GRM5: variants seen among roughly 807,000 people sequenced by gnomAD.
The protein encoded by GRM5 is metabotropic glutamate receptor 5.
In GRM5, 19 loss-of-function variants were observed where a neutral mutation model predicts 83.1. The observed-to-expected ratio is 0.23, with a 90% confidence interval of 0.16 to 0.34. GRM5 has a LOEUF of 0.34. Among genes scored for constraint, GRM5 ranks in the 10% least tolerant of loss-of-function variants. The pLI is 1.00. For synonymous variants in GRM5, 675 were observed against 633.6 expected (o/e 1.07, Z -0.98); for missense variants, 1,160 against 1,588.3 (o/e 0.73, Z 4.58).
intron 2 of GRM5, among the ~76,000 whole-genome samples, chr11:88,941,712 T>A (rs1234264220): frequency 2.0e-5 from 3 of 152,038 alleles, no homozygotes; most frequent in Non-Finnish European, 4.4e-5. Context: ...AAATTTTAAT[T>A]TTACAAAGTT....
chr11:89,058,911 ATTTTATTTAT>A (rs548618423), intron 1 of GRM5, among the ~76,000 whole-genome samples: 3 of 150,846 alleles, frequency 2.0e-5, no homozygotes, highest in Non-Finnish European at 4.4e-5. Flanking sequence ...TTGATTTTTC[ATTTTATTTAT>A]TTTTAAACAA....
At position 88,807,085 on chromosome 11, in the gene GRM5, T is replaced by A. The variant is rs376303609; in HGVS notation, c.911+42821A>T. ...TACAAATTATCTGTTGACATGGATTTCTCACTGGACTCTACATCTCTTAAT... is the reference window on the plus strand; with the variant it reads ...TACAAATTATCTGTTGACATGGATTACTCACTGGACTCTACATCTCTTAAT... On this transcript the variant is annotated intron_variant, in intron 3 of 9. Coordinates refer to ENST00000305447, the MANE Select transcript of GRM5 (RefSeq NM_001143831.3). 3.3e-5 allele frequency among the ~76,000 whole-genome samples: 5 copies of A among 152,324 alleles called. No homozygotes were observed. In the East Asian group the frequency reaches 7.7e-4, roughly 23 times the overall value.
chr11:88,575,491 G>T (rs889198991), intron 7 of GRM5, among the ~76,000 whole-genome samples: 1 of 152,200 alleles, frequency 6.6e-6, no homozygotes, highest in East Asian at 1.9e-4. Context: ...AGTCTATTTA[G>T]TAGGAAACAG....
chr11:88,604,829 G>A lies in GRM5; in HGVS notation c.1283C>T (p.Ala428Val), dbSNP rs1487380667. The change falls in exon 5 of 10, where the codon GCC becomes GTC. Residue 428 changes from alanine (A) to valine (V), a missense_variant. Physicochemically the swap from Ala to Val is moderately conservative, Grantham distance 64 (BLOSUM62 0). Around this residue, in one of 9 missense-constraint regions of GRM5, gnomAD observed 132 missense variants for 197.6 expected, o/e 0.67. Transcript: ENST00000305447. Reference sequence around the variant, plus strand: ...TTTCCGTCCATCAATTGGCTTCATGGCATCACAGAGTCCTGCATAGCCTGG... The same window carrying A: ...TTTCCGTCCATCAATTGGCTTCATGACATCACAGAGTCCTGCATAGCCTGG... Reference protein sequence around the residue: ...LCPGYAGLCDAMKPIDGRKLL... With the variant: ...LCPGYAGLCDVMKPIDGRKLL... 12 of 1,613,888 alleles carry A rather than the reference G, an allele frequency of 7.4e-6. No homozygotes were observed. The East Asian group carries it at 1.3e-4, about 18-fold the overall frequency.
At chr11:88,570,571 A>ATATATATATATATATATATATTTT (rs1405339448) in intron 7 of GRM5, among the ~76,000 whole-genome samples, 3 of 46,374 alleles carry the variant, frequency 6.5e-5, no homozygotes, top group African/African-American at 1.3e-4. Context: ...ATATATATAT[A>ATATATATATATATATATATATTTT]TTTTTTTTTT....
chr11:88,783,547 C>G (rs1215135159), intron 3 of GRM5, among the ~76,000 whole-genome samples: 1 of 152,042 alleles, frequency 6.6e-6, no homozygotes, highest in Non-Finnish European at 1.5e-5. Flanking sequence ...ATAGTTTGAG[C>G]AGCAACCATA....
At chr11:88,576,745 A>G (rs1366961907) in intron 7 of GRM5, among the ~76,000 whole-genome samples, 3 of 152,240 alleles carry the variant, frequency 2.0e-5, no homozygotes, top group Non-Finnish European at 2.9e-5. Context: ...AAATAAATTT[A>G]TAAAATGCTT....
intron 2 of GRM5, among the ~76,000 whole-genome samples, chr11:89,031,864 A>T (rs1941270439): frequency 6.6e-6 from 1 of 152,122 alleles, no homozygotes; most frequent in African/African-American, 2.4e-5. Context: ...AGTTGTTCTC[A>T]GACACCAGAA....
chr11:88,753,400 T>C (rs1432973922), intron 3 of GRM5, among the ~76,000 whole-genome samples: 3 of 152,180 alleles, frequency 2.0e-5, no homozygotes, highest in Non-Finnish European at 2.9e-5. Flanking sequence ...CACAATGAGA[T>C]ACCATCTCAC....
chr11:88,661,582 T>G (rs1350451160), intron 3 of GRM5, among the ~76,000 whole-genome samples: 2 of 152,130 alleles, frequency 1.3e-5, no homozygotes, highest in African/African-American at 4.8e-5. Flanking sequence ...TTTTGGGATT[T>G]TAAAAAATTC....
intron 2 of GRM5, among the ~76,000 whole-genome samples, chr11:88,857,148 G>A (rs1304450467): frequency 3.3e-5 from 5 of 152,020 alleles, no homozygotes; most frequent in Non-Finnish European, 5.9e-5. Flanking sequence ...GTCAAACAGT[G>A]TAACTATTTA....
chr11:88,753,268 C>T (rs761227766), intron 3 of GRM5, among the ~76,000 whole-genome samples: 1 of 151,992 alleles, frequency 6.6e-6, no homozygotes, highest in Non-Finnish European at 1.5e-5. Context: ...GAAAAAACAA[C>T]CCCATCAAAA....
chr11:88,874,191 A>G (rs1944813296), intron 2 of GRM5, among the ~76,000 whole-genome samples: 2 of 151,782 alleles, frequency 1.3e-5, no homozygotes, highest in African/African-American at 4.8e-5. Context: ...AAGGAAGTAC[A>G]AGGAATCCTT....
chr11:88,877,627 C>T (rs1944879027), intron 2 of GRM5, among the ~76,000 whole-genome samples: 1 of 151,808 alleles, frequency 6.6e-6, no homozygotes, highest in Non-Finnish European at 1.5e-5. Flanking sequence ...TTGAGACCAG[C>T]CTGGGCAACA....
chr11:88,678,313 C>T (rs1234680205), intron 3 of GRM5, among the ~76,000 whole-genome samples: 1 of 152,076 alleles, frequency 6.6e-6, no homozygotes, highest in African/African-American at 2.4e-5. Context: ...CTTGCCTTGG[C>T]CTCCCGAAGC....
At chr11:88,705,594 G>C (rs1232437104) in intron 3 of GRM5, among the ~76,000 whole-genome samples, 1 of 102,336 alleles carries the variant, frequency 9.8e-6, no homozygotes, top group Non-Finnish European at 2.0e-5. Context: ...TTCCTGAGTA[G>C]AGCAGGGTTT....
chr11:88,817,311 C>T (rs993839077), intron 3 of GRM5, among the ~76,000 whole-genome samples: 3 of 152,110 alleles, frequency 2.0e-5, no homozygotes, highest in African/African-American at 7.2e-5. Flanking sequence ...TTAGGAAATT[C>T]TAATATTAGA....
At chr11:88,540,111 C>T (rs899766352) in intron 8 of GRM5, among the ~76,000 whole-genome samples, 2 of 152,162 alleles carry the variant, frequency 1.3e-5, no homozygotes, top group African/African-American at 4.8e-5. Context: ...CTAAATCTAA[C>T]TACATCAAAA....
intron 2 of GRM5, among the ~76,000 whole-genome samples, chr11:88,999,385 A>C (rs1940296672): frequency 6.6e-6 from 1 of 152,238 alleles, no homozygotes; most frequent in Admixed American, 6.5e-5. Context: ...GAACTCAAAC[A>C]AATTTACAAG....
Sources: allele counts gnomAD v4.1 joint callset (sites outside exome capture counted in the v4.1 genomes callset), GRCh38; gene constraint gnomAD v4.1.1; regional missense constraint gnomAD v4.1.1; transcripts MANE v1.5; gene names NCBI Gene and HGNC (gene_info 2026-07-23, HGNC 2026-07-21).